The following MYO9A variants were observed in gnomAD, a reference collection of about 807,000 sequenced individuals.
MYO9A encodes unconventional myosin-IXa.
In MYO9A, 103 loss-of-function variants were observed where a neutral mutation model predicts 293.3. That is an observed-to-expected ratio of 0.35 (90% CI 0.30 to 0.41). MYO9A has a LOEUF of 0.41. Ranked by LOEUF, MYO9A falls within the 10% of genes least tolerant of loss-of-function variation. The pLI, the probability that MYO9A is intolerant of heterozygous loss-of-function variation, is 1.00. For missense variants in MYO9A, 2,685 were observed against 3,033.0 expected, an observed-to-expected ratio of 0.89 and a Z score of 2.69; for synonymous variants, 1,001 against 1,035.7, an observed-to-expected ratio of 0.97 and a Z score of 0.64.
At chr15:71,988,689 G>C (rs2076465190) in intron 11 of MYO9A, among the ~76,000 whole-genome samples, 1 of 152,052 alleles carries the variant, frequency 6.6e-6, no homozygotes, top group African/African-American at 2.4e-5. Context: ...CTGTAGACCT[G>C]CTAGCTGTTG....
At chr15:71,928,054 ATATTTTTTTTTTTTTTT>A (rs1380849831) in intron 18 of MYO9A, among the ~76,000 whole-genome samples, 3 of 9,378 alleles carry the variant, frequency 3.2e-4, no homozygotes, top group Admixed American at 1.4e-3. Flanking sequence ...ATATATATAT[ATATTTTTTTTTTTTTTT>A]TTTTTTTTTT....
chr15:71,900,039 G>A (rs1426753876), intron 23 of MYO9A, 33 bp from the exon 24 acceptor site: 13 of 1,560,348 alleles, frequency 8.3e-6, no homozygotes, highest in Non-Finnish European at 1.0e-5. Context: ...GAAACTGGTT[G>A]TCATATCTTA....
At position 71,897,661 on chromosome 15, in the gene MYO9A, A is replaced by C. The variant is rs750609032; in HGVS notation, c.4842T>G (p.Ser1614=). 3 of 1,614,150 alleles carry C rather than the reference A, an allele frequency of 1.9e-6. No homozygotes were observed. In the East Asian group the frequency reaches 6.7e-5, roughly 36 times the overall value. Residue 1614 remains serine (S), a synonymous_variant, in exon 25 of 42, where the codon TCT becomes TCG. Coordinates refer to ENST00000356056, the MANE Select transcript of MYO9A (RefSeq NM_006901.4). The part of the protein sequence containing the change: ...FFERKGSPCQ[S]STVKELSKTD... Reference sequence around the variant, plus strand: ...TCTTGGATAATTCCTTGACAGTACTAGATTGGCATGGACTTCCTTTTCTTT... The same window carrying C: ...TCTTGGATAATTCCTTGACAGTACTCGATTGGCATGGACTTCCTTTTCTTT...
At chr15:72,083,178 T>A (rs2079606939) in intron 1 of MYO9A, among the ~76,000 whole-genome samples, 1 of 152,134 alleles carries the variant, frequency 6.6e-6, no homozygotes, top group African/African-American at 2.4e-5. Context: ...GGGCTATTTA[T>A]TACTGATTCA....
intron 18 of MYO9A, among the ~76,000 whole-genome samples, chr15:71,931,131 T>C (rs1283444978): frequency 2.0e-5 from 3 of 152,214 alleles, no homozygotes; most frequent in Non-Finnish European, 4.4e-5. Flanking sequence ...AATTAAAATG[T>C]TTGAATTAGA....
At chr15:71,935,630 G>C (rs1167714194) in intron 16 of MYO9A, 146 bp from the exon 17 acceptor site, 1 of 733,238 alleles carries the variant, frequency 1.4e-6, no homozygotes, top group African/African-American at 1.8e-5. Context: ...CCAAATGACT[G>C]CCAATCAGTT....
At chr15:72,015,843 A>G (rs1293093948) in intron 6 of MYO9A, among the ~76,000 whole-genome samples, 5 of 151,832 alleles carry the variant, frequency 3.3e-5, no homozygotes, top group Admixed American at 1.3e-4. Flanking sequence ...GCCCGCCACC[A>G]CATCCAGCTA....
chr15:72,073,902 T>C (rs1010328000), intron 1 of MYO9A, among the ~76,000 whole-genome samples: 3 of 152,278 alleles, frequency 2.0e-5, no homozygotes, highest in African/African-American at 4.8e-5. Context: ...ATATTATTCA[T>C]TGGGATTTAA....
intron 15 of MYO9A, among the ~76,000 whole-genome samples, chr15:71,942,649 T>C (rs539763431): frequency 6.6e-4 from 100 of 152,164 alleles, no homozygotes; most frequent in Middle Eastern, 3.4e-3. Flanking sequence ...ATGTTTAACA[T>C]ACTCATGAAT....
At chr15:71,850,004 G>C (rs769572983) in intron 38 of MYO9A, 32 bp downstream of exon 38, 1 of 1,611,130 alleles carries the variant, frequency 6.2e-7, no homozygotes, top group Non-Finnish European at 8.5e-7. Flanking sequence ...AAGTCCCTGA[G>C]GTCTTGCAAA....
chr15:72,030,148 C>A (rs1442085598), intron 3 of MYO9A, among the ~76,000 whole-genome samples: 1 of 152,132 alleles, frequency 6.6e-6, no homozygotes, highest in East Asian at 1.9e-4. Context: ...ATTTCTTTTT[C>A]TGAATTACCA....
At chr15:72,063,730 T>C (rs1380436668) in intron 1 of MYO9A, among the ~76,000 whole-genome samples, 2 of 152,184 alleles carry the variant, frequency 1.3e-5, no homozygotes, top group East Asian at 1.9e-4. Flanking sequence ...ACAGCCACTA[T>C]AAAAACAGTT....
chr15:72,028,338 A>C (rs2077747881), intron 3 of MYO9A, among the ~76,000 whole-genome samples: 1 of 149,942 alleles, frequency 6.7e-6, no homozygotes, highest in Non-Finnish European at 1.5e-5. Flanking sequence ...CTTTCACTAA[A>C]GCAAAATAAA....
intron 1 of MYO9A, among the ~76,000 whole-genome samples, chr15:72,065,868 T>C (rs1326928645): frequency 6.6e-6 from 1 of 152,234 alleles, no homozygotes; most frequent in Non-Finnish European, 1.5e-5. Flanking sequence ...TAGTAGCTCA[T>C]TGTTCAAAAA....
At chr15:71,903,780 C>G (rs1596151435) in intron 21 of MYO9A, 149 bp downstream of exon 21, 1 of 661,752 alleles carries the variant, frequency 1.5e-6, no homozygotes, top group East Asian at 2.7e-5. Flanking sequence ...TAAATACTGT[C>G]TATCCCTTTT....
At chr15:71,961,387 G>A (rs189865338) in intron 13 of MYO9A, among the ~76,000 whole-genome samples, 2 of 152,204 alleles carry the variant, frequency 1.3e-5, no homozygotes, top group African/African-American at 4.8e-5. Flanking sequence ...AAGAAATGAA[G>A]ACCAAGAGAT....
chr15:71,956,330 A>AAAAAATATATATATAT (rs10642655), intron 14 of MYO9A, among the ~76,000 whole-genome samples: 2 of 75,584 alleles, frequency 2.6e-5, no homozygotes, highest in African/African-American at 1.2e-4. Flanking sequence ...AAAAAAAAAA[A>AAAAAATATATATATAT]ATATATATAT....
intron 1 of MYO9A, among the ~76,000 whole-genome samples, chr15:72,063,401 A>G (rs2150030296): frequency 6.6e-6 from 1 of 152,340 alleles, no homozygotes; most frequent in East Asian, 1.9e-4. Context: ...GACAAATAGG[A>G]TTACATCAAG....
At chr15:71,871,028 G>A (rs767351269) in intron 32 of MYO9A, among the ~76,000 whole-genome samples, 1 of 152,120 alleles carries the variant, frequency 6.6e-6, no homozygotes, top group African/African-American at 2.4e-5. Flanking sequence ...TCGATCTTGA[G>A]ACTAAAATAA....
Sources: allele counts gnomAD v4.1 joint callset (sites outside exome capture counted in the v4.1 genomes callset), GRCh38; gene constraint gnomAD v4.1.1; transcripts MANE v1.5; gene names NCBI Gene and HGNC (gene_info 2026-07-23, HGNC 2026-07-21).